ACSM2B: variants seen among roughly 807,000 people sequenced by gnomAD.
The protein encoded by ACSM2B is acyl-coenzyme A synthetase ACSM2B, mitochondrial.
A neutral mutation model predicts 78.6 loss-of-function variants in ACSM2B; 58 were observed. The observed-to-expected ratio is 0.74, with a 90% CI of 0.60 to 0.92. ACSM2B has a LOEUF of 0.92. Among genes scored for constraint, ACSM2B ranks in the 40% least tolerant of loss-of-function variants. The pLI, the probability that ACSM2B is intolerant of heterozygous loss-of-function variation, is 0.00. For synonymous variants in ACSM2B, 257 were observed against 256.8 expected (o/e 1.00, Z -0.01); for missense variants, 688 against 711.2 (o/e 0.97, Z 0.37).
intron 2 of ACSM2B, among the ~76,000 whole-genome samples, chr16:20,563,004 C>T (rs1393465221): frequency 6.6e-6 from 1 of 152,132 alleles, no homozygotes; most frequent in Non-Finnish European, 1.5e-5. Context: ...ATTCCATTCC[C>T]AACCAATCAG....
intron 1 of ACSM2B, among the ~76,000 whole-genome samples, chr16:20,567,652 A>G (rs1250534339): frequency 7.3e-6 from 1 of 137,494 alleles, no homozygotes; most frequent in Non-Finnish European, 1.5e-5. Flanking sequence ...ATACTATGCT[A>G]TTATATATAT....
At chr16:20,554,597 G>C (rs1412655696) in intron 4 of ACSM2B, among the ~76,000 whole-genome samples, 1 of 152,194 alleles carries the variant, frequency 6.6e-6, no homozygotes, top group Non-Finnish European at 1.5e-5. Context: ...AGCCAGTCTT[G>C]CTATCGGCTT....
intron 1 of ACSM2B, among the ~76,000 whole-genome samples, chr16:20,573,743 C>T (rs1281520930): frequency 5.3e-5 from 8 of 151,400 alleles, no homozygotes; most frequent in Non-Finnish European, 7.4e-5. Context: ...AGTGGTAGGA[C>T]TATGATGGTG....
chr16:20,548,211 C>T (rs1207891443), intron 7 of ACSM2B, 26 bp from the exon 8 acceptor site: 1 of 1,613,732 alleles, frequency 6.2e-7, no homozygotes, highest in South Asian at 1.1e-5. Context: ...AAATGTTTGC[C>T]CTCAGCCTCC....
intron 8 of ACSM2B, chr16:20,547,087 T>C: frequency 1.0e-6 from 1 of 968,686 alleles, no homozygotes; most frequent in South Asian, 3.8e-5. Flanking sequence ...ATTGTCATTT[T>C]CTCAGATCTA....
intron 13 of ACSM2B, among the ~76,000 whole-genome samples, chr16:20,539,127 G>A (rs1038356783): frequency 7.4e-5 from 11 of 149,450 alleles, no homozygotes; most frequent in Non-Finnish European, 1.6e-4. Flanking sequence ...GGGATTGGCT[G>A]GAGTTCCCAT....
intron 8 of ACSM2B, chr16:20,547,075 A>G: frequency 1.0e-6 from 1 of 953,860 alleles, no homozygotes; most frequent in Non-Finnish European, 1.3e-6. Flanking sequence ...ACAGAGACAC[A>G]GATTGTCATT....
intron 1 of ACSM2B, among the ~76,000 whole-genome samples, chr16:20,571,992 T>C (rs1195216896): frequency 6.6e-6 from 1 of 150,938 alleles, no homozygotes; most frequent in Non-Finnish European, 1.5e-5. Context: ...TTGAAAGCAG[T>C]AGATACTTGG....
intron 3 of ACSM2B, among the ~76,000 whole-genome samples, chr16:20,556,632 A>G (rs2015482966): frequency 6.6e-6 from 1 of 152,168 alleles, no homozygotes; most frequent in African/African-American, 2.4e-5. Flanking sequence ...AAAGAACAGA[A>G]TAACTACACA....
chr16:20,542,389 A>G lies in ACSM2B; in HGVS notation c.1509+525T>C, dbSNP rs185382064. ...CTGTGCCTGGCTTACTTCAGTTAAC[A>G]TAATGACCTCCAGTTCTCTCCATGT... On this transcript the variant is annotated intron_variant, in intron 12 of 13. Transcript: ENST00000329697. The G allele has an allele frequency of 4.5e-3, 693 of 153,308 alleles. 4 individuals carry two copies. Among genetic ancestry groups the G allele is most frequent in the Admixed American group, 0.014 (222 of 15,506 alleles). 9.5% of individuals were successfully genotyped at this position (153,308 alleles called of 1,614,324 possible). A position where few individuals can be genotyped will look rare whatever the true frequency, so the allele number is the denominator to read the frequency against.
intron 12 of ACSM2B, chr16:20,542,141 CA>C (rs2015011067): frequency 6.6e-6 from 1 of 151,252 alleles, no homozygotes; most frequent in Non-Finnish European, 1.5e-5. Context: ...TTGAAATATA[CA>C]ATACATGGTT....
chr16:20,568,207 T>C (rs2015987359), intron 1 of ACSM2B, among the ~76,000 whole-genome samples: 1 of 144,082 alleles, frequency 6.9e-6, no homozygotes, highest in Admixed American at 7.1e-5. Context: ...AAAATATAAA[T>C]ATATGTAAAA....
chr16:20,545,847 A>G (rs1471715382), intron 9 of ACSM2B, among the ~76,000 whole-genome samples: 7 of 152,208 alleles, frequency 4.6e-5, no homozygotes, highest in Non-Finnish European at 7.3e-5. Context: ...ACACAAACAC[A>G]AATTCTAGTT....
intron 1 of ACSM2B, among the ~76,000 whole-genome samples, chr16:20,567,456 T>C (rs1268255574): frequency 8.5e-6 from 1 of 118,228 alleles, no homozygotes; most frequent in African/African-American, 3.4e-5. Flanking sequence ...TATATTATTA[T>C]ATAACATATA....
chr16:20,555,216 G>T, intron 4 of ACSM2B, 53 bp downstream of exon 4: 1 of 1,611,520 alleles, frequency 6.2e-7, no homozygotes, highest in Non-Finnish European at 8.5e-7. Flanking sequence ...CTAAGTGCTT[G>T]GCTCTGTTTC....
intron 4 of ACSM2B, among the ~76,000 whole-genome samples, chr16:20,555,064 A>G (rs2015427062): frequency 6.6e-6 from 1 of 152,048 alleles, no homozygotes; most frequent in South Asian, 2.1e-4. Context: ...GCTGCTCAGA[A>G]GGTCCAGGCA....
Position 20,569,360 on chromosome 16 carries a change from G to T in ACSM2B, c.-8-4507C>A, listed in dbSNP as rs1464995296. ...TTGTGTTTTTGTTTGCTTTGTCGAAGATAAGTTGACTGTAAATATTTGGGT... is the reference window on the plus strand; with the variant it reads ...TTGTGTTTTTGTTTGCTTTGTCGAATATAAGTTGACTGTAAATATTTGGGT... On this transcript the variant is annotated intron_variant, in intron 1 of 13. Coordinates refer to ENST00000329697, the MANE Select transcript of ACSM2B (RefSeq NM_001105069.2). Among the ~76,000 whole-genome samples, 2 of 151,916 alleles carry T rather than the reference G, an allele frequency of 1.3e-5. 1 individual carries two copies. The highest frequency in any genetic ancestry group is 1.3e-4 in the Admixed American group (2 of 15,224).
intron 1 of ACSM2B, among the ~76,000 whole-genome samples, chr16:20,569,565 T>C (rs1180413471): frequency 3.9e-5 from 6 of 151,990 alleles, no homozygotes; most frequent in Non-Finnish European, 5.9e-5. Context: ...ACTCTTTTTT[T>C]GGTTCCATAT....
At chr16:20,566,698 GTA>G (rs57290830) in intron 1 of ACSM2B, among the ~76,000 whole-genome samples, 1,070 of 5,256 alleles carry the variant, frequency 0.2, 287 homozygotes, top group Non-Finnish European at 0.27. Flanking sequence ...ACTATATATA[GTA>G]TATATATAGT....
Sources: allele counts gnomAD v4.1 joint callset (sites outside exome capture counted in the v4.1 genomes callset), GRCh38; gene constraint gnomAD v4.1.1; transcripts MANE v1.5; gene names NCBI Gene and HGNC (gene_info 2026-07-23, HGNC 2026-07-21).